PPM1H: variants seen among roughly 807,000 people sequenced by gnomAD.
PPM1H encodes the protein protein phosphatase 1H.
In PPM1H, 27 loss-of-function variants were observed where a neutral mutation model predicts 54.9. The ratio of observed to expected loss-of-function variants is 0.49; its 90% CI spans 0.36 to 0.68. The LOEUF is 0.68. Among genes scored for constraint, PPM1H ranks in the 30% least tolerant of loss-of-function variants. PPM1H has a pLI of 0.00. For missense variants in PPM1H, 596 were observed against 667.8 expected (o/e 0.89, Z 1.19); for synonymous variants, 305 against 270.8 (o/e 1.13, Z -1.24).
chr12:62,755,109 T>C (rs936379221), intron 4 of PPM1H: 15 of 384,110 alleles, frequency 3.9e-5, no homozygotes, highest in Non-Finnish European at 6.9e-5. Flanking sequence ...TATCATGTCT[T>C]TCTTTTCTTA....
chr12:62,737,824 G>A (rs1178384980), intron 4 of PPM1H, among the ~76,000 whole-genome samples: 1 of 152,080 alleles, frequency 6.6e-6, no homozygotes, highest in Non-Finnish European at 1.5e-5. Context: ...CTGGAAGTGT[G>A]CCTTAATGCT....
At chr12:62,700,235 C>T (rs924759460) in intron 6 of PPM1H, among the ~76,000 whole-genome samples, 8 of 152,166 alleles carry the variant, frequency 5.3e-5, no homozygotes, top group African/African-American at 1.9e-4. Context: ...TTCCTGCTGA[C>T]CTTCTTCTCT....
chr12:62,852,643 TCATC>T (rs1869239130), intron 1 of PPM1H, among the ~76,000 whole-genome samples: 1 of 152,232 alleles, frequency 6.6e-6, no homozygotes, highest in African/African-American at 2.4e-5. Context: ...TGGGCAAAGA[TCATC>T]CACAGATGCT....
chr12:62,818,559 T>A (rs1231607939), intron 2 of PPM1H, among the ~76,000 whole-genome samples: 1 of 151,082 alleles, frequency 6.6e-6, no homozygotes, highest in Non-Finnish European at 1.5e-5. Flanking sequence ...GTGCTAGAAT[T>A]GTAGATTTCC....
intron 8 of PPM1H, 126 bp from the exon 9 acceptor site, chr12:62,667,455 G>A (rs1565750199): frequency 1.2e-6 from 1 of 844,772 alleles, no homozygotes; most frequent in Non-Finnish European, 1.8e-6. Flanking sequence ...TGCATTGTAG[G>A]GTACTTGATT....
At chr12:62,658,486 C>G (rs977302284) in intron 9 of PPM1H, among the ~76,000 whole-genome samples, 2 of 152,090 alleles carry the variant, frequency 1.3e-5, no homozygotes, top group African/African-American at 4.8e-5. Flanking sequence ...GGAGACCCCC[C>G]CACTGAACCT....
intron 8 of PPM1H, among the ~76,000 whole-genome samples, chr12:62,676,057 G>A (rs999776212): frequency 2.0e-5 from 3 of 152,208 alleles, no homozygotes; most frequent in South Asian, 4.1e-4. Context: ...GGCTTCAGAA[G>A]GGAGGAAGTG....
rs1243431594 is a variant in PPM1H at position 62,802,171 on chromosome 12, G to A, written c.412-11C>T. 1 of 1,543,682 alleles carries A rather than the reference G, an allele frequency of 6.5e-7. No individual in the cohort carries two copies. The highest frequency in any genetic ancestry group is 1.9e-5 in the Admixed American group (1 of 52,682). ...AACACCCTCGGATTCCTGTGGGAGA[G>A]GACGACAGGGAGGAGTGAGAACGGC... On this transcript the variant is annotated splice_polypyrimidine_tract_variant and intron_variant, in intron 2 of 9. Transcript: ENST00000228705.
At chr12:62,733,764 G>C (rs2120511748) in intron 5 of PPM1H, among the ~76,000 whole-genome samples, 1 of 152,262 alleles carries the variant, frequency 6.6e-6, no homozygotes, top group African/African-American at 2.4e-5. Flanking sequence ...GGATTAAAAA[G>C]GATATGGGCA....
chr12:62,817,828 G>C (rs1358989005), intron 2 of PPM1H, among the ~76,000 whole-genome samples: 1 of 152,032 alleles, frequency 6.6e-6, no homozygotes, highest in Non-Finnish European at 1.5e-5. Context: ...TATTTGCCTG[G>C]AGTTCCCACA....
At chr12:62,805,229 T>C (rs2076799684) in intron 2 of PPM1H, among the ~76,000 whole-genome samples, 2 of 152,226 alleles carry the variant, frequency 1.3e-5, no homozygotes, top group South Asian at 4.1e-4. Flanking sequence ...AGTGAGGATG[T>C]GTAGAAAAAG....
intron 2 of PPM1H, among the ~76,000 whole-genome samples, chr12:62,805,205 A>C (rs2120760086): frequency 6.6e-6 from 1 of 152,310 alleles, no homozygotes; most frequent in South Asian, 2.1e-4. Context: ...TATCAAAAAA[A>C]CGAGACAAGT....
chr12:62,807,394 C>G (rs972541596), intron 2 of PPM1H, among the ~76,000 whole-genome samples: 2 of 152,048 alleles, frequency 1.3e-5, no homozygotes, highest in Admixed American at 1.3e-4. Flanking sequence ...CACATTCAGG[C>G]CATAAGAAAC....
chr12:62,727,670 T>TTA (rs2076297771), intron 5 of PPM1H, among the ~76,000 whole-genome samples: 1 of 148,082 alleles, frequency 6.8e-6, no homozygotes, highest in African/African-American at 2.5e-5. Context: ...ATTATTATTA[T>TTA]TATTATTTGA....
chr12:62,909,563 T>C (rs907490367), intron 1 of PPM1H, among the ~76,000 whole-genome samples: 5 of 152,170 alleles, frequency 3.3e-5, no homozygotes, highest in African/African-American at 1.2e-4. Flanking sequence ...TAAGCCCCCA[T>C]CTGTTGATGT....
intron 8 of PPM1H, among the ~76,000 whole-genome samples, chr12:62,678,082 T>C (rs557030220): frequency 6.6e-6 from 1 of 152,244 alleles, no homozygotes; most frequent in East Asian, 1.9e-4. Flanking sequence ...AAGAAGCTGG[T>C]ACCACAGGTG....
intron 1 of PPM1H, among the ~76,000 whole-genome samples, chr12:62,919,063 C>T (rs2121162397): frequency 1.3e-5 from 2 of 152,282 alleles, no homozygotes; most frequent in South Asian, 4.1e-4. Context: ...AAACTTTTGC[C>T]AAAGGGTCAA....
chr12:62,757,473 C>T (rs2076483385), intron 4 of PPM1H, among the ~76,000 whole-genome samples: 1 of 152,130 alleles, frequency 6.6e-6, no homozygotes, highest in Admixed American at 6.5e-5. Flanking sequence ...TAACTTCTTT[C>T]TCAAACTGTA....
At chr12:62,861,775 G>A (rs914418337) in intron 1 of PPM1H, among the ~76,000 whole-genome samples, 3 of 152,192 alleles carry the variant, frequency 2.0e-5, no homozygotes, top group Admixed American at 6.5e-5. Context: ...CTAGGGCACC[G>A]TGGTGCTTGC....
Sources: allele counts gnomAD v4.1 joint callset (sites outside exome capture counted in the v4.1 genomes callset), GRCh38; gene constraint gnomAD v4.1.1; transcripts MANE v1.5; gene names NCBI Gene and HGNC (gene_info 2026-07-23, HGNC 2026-07-21).